KCNJ3: variants seen among roughly 807,000 people sequenced by gnomAD.
KCNJ3 encodes potassium inwardly rectifying channel subfamily J member 3.
Under a neutral mutation model 39.2 loss-of-function variants are expected in KCNJ3, and 4 were observed. The ratio of observed to expected loss-of-function variants is 0.10; its 90% CI spans 0.05 to 0.23. The LOEUF (loss-of-function observed/expected upper bound fraction) is 0.23, where lower values mean the gene tolerates loss of function less well. KCNJ3 is among the 10% of genes least tolerant of loss of function. KCNJ3 has a pLI of 1.00. For missense variants in KCNJ3, 276 were observed against 634.9 expected (o/e 0.43, Z 6.08); for synonymous variants, 230 against 237.4 (o/e 0.97, Z 0.29).
At chr2:154,771,192 A>G (rs1686236931) in intron 2 of KCNJ3, among the ~76,000 whole-genome samples, 1 of 152,008 alleles carries the variant, frequency 6.6e-6, no homozygotes, top group Non-Finnish European at 1.5e-5. Context: ...CACCCTCCCA[A>G]GAAGATAATT....
At chr2:154,809,441 G>T (rs1213824864) in intron 2 of KCNJ3, among the ~76,000 whole-genome samples, 2 of 152,160 alleles carry the variant, frequency 1.3e-5, no homozygotes, top group Non-Finnish European at 2.9e-5. Flanking sequence ...CTAATTAAAT[G>T]AGATAATCAG....
At chr2:154,791,276 G>A (rs1394485492) in intron 2 of KCNJ3, among the ~76,000 whole-genome samples, 7 of 152,134 alleles carry the variant, frequency 4.6e-5, no homozygotes, top group African/African-American at 1.7e-4. Context: ...ATTTGGTCTA[G>A]GAAAGAGGAA....
intron 2 of KCNJ3, 50 bp from the exon 3 acceptor site, chr2:154,854,677 A>G: frequency 7.1e-7 from 1 of 1,404,370 alleles, no homozygotes; most frequent in Non-Finnish European, 9.8e-7. Flanking sequence ...CCGGCTTTAC[A>G]TGTGCTTCCA....
chr2:154,713,449 T>C (rs1685133751), intron 2 of KCNJ3, among the ~76,000 whole-genome samples: 1 of 152,134 alleles, frequency 6.6e-6, no homozygotes, highest in South Asian at 2.1e-4. Flanking sequence ...TCATTTAGTT[T>C]TTGCTCATTC....
intron 2 of KCNJ3, among the ~76,000 whole-genome samples, chr2:154,819,164 G>C (rs951798038): frequency 6.6e-6 from 1 of 151,940 alleles, no homozygotes; most frequent in Non-Finnish European, 1.5e-5. Flanking sequence ...AAGACCATGA[G>C]ATAACTATTG....
chr2:154,713,016 A>C (rs903513423), intron 2 of KCNJ3, among the ~76,000 whole-genome samples: 49 of 151,970 alleles, frequency 3.2e-4, no homozygotes, highest in African/African-American at 1.2e-3. Context: ...AACTAAAAAA[A>C]AGGTGGAGGT....
intron 2 of KCNJ3, among the ~76,000 whole-genome samples, chr2:154,818,468 T>C (rs1219774994): frequency 6.6e-6 from 1 of 152,170 alleles, no homozygotes; most frequent in East Asian, 1.9e-4. Context: ...ATTATTACTT[T>C]GTTTTATTTA....
chr2:154,846,107 C>A (rs187889044), intron 2 of KCNJ3, among the ~76,000 whole-genome samples: 1 of 152,102 alleles, frequency 6.6e-6, no homozygotes, highest in Admixed American at 6.6e-5. Flanking sequence ...GTAGTTACTA[C>A]AAAGTTAAGT....
At chr2:154,852,445 A>G (rs1687772589) in intron 2 of KCNJ3, among the ~76,000 whole-genome samples, 1 of 152,154 alleles carries the variant, frequency 6.6e-6, no homozygotes, top group East Asian at 1.9e-4. Flanking sequence ...ATTATCACTT[A>G]GTAAAAATAT....
chr2:154,706,726 A>G (rs1685017486), intron 1 of KCNJ3, among the ~76,000 whole-genome samples: 2 of 152,122 alleles, frequency 1.3e-5, no homozygotes, highest in Admixed American at 1.3e-4. Flanking sequence ...CCTAAAGTAG[A>G]ATGTATGTGC....
At chr2:154,755,103 A>G (rs567004257) in intron 2 of KCNJ3, among the ~76,000 whole-genome samples, 2 of 152,172 alleles carry the variant, frequency 1.3e-5, no homozygotes, top group South Asian at 4.1e-4. Context: ...CATTACTGTA[A>G]TTGGAAATGT....
In KCNJ3 at chr2:154,826,479, A is replaced by G. The variant is rs376572376; in HGVS notation, c.920-28248A>G. Among the ~76,000 whole-genome samples, 29 of 152,334 alleles carry G rather than the reference A, an allele frequency of 1.9e-4. 2 individuals carry two copies. Among genetic ancestry groups the G allele is most frequent in the African/African-American group, 7.0e-4 (29 of 41,572 alleles). The stretch of plus-strand genomic sequence containing the variant: ...AGTCATTTGCAGTGTTGGTTAATGA[A>G]GTTGTGGTAATTTAACTTAATGTTG... On this transcript the variant is annotated intron_variant, in intron 2 of 2. Transcript: ENST00000295101.
chr2:154,818,069 T>C (rs1250985868), intron 2 of KCNJ3, among the ~76,000 whole-genome samples: 2 of 152,188 alleles, frequency 1.3e-5, no homozygotes, highest in Non-Finnish European at 2.9e-5. Context: ...GCAAAGCTAT[T>C]TGCACCCCCT....
chr2:154,767,583 T>C lies in KCNJ3; in HGVS notation c.919+57764T>C, dbSNP rs557940785. On this transcript the variant is annotated intron_variant, in intron 2 of 2. Transcript: ENST00000295101. ...TGCCACATTTTCTTAATCCAGTCTATCACTGATGGACATTTGGATTGGTTC... is the reference window on the plus strand; with the variant it reads ...TGCCACATTTTCTTAATCCAGTCTACCACTGATGGACATTTGGATTGGTTC... 5.3e-4 allele frequency among the ~76,000 whole-genome samples: 81 copies of C among 152,304 alleles called. 1 individual carries two copies. The East Asian group carries it at 0.014, about 27-fold the overall frequency.
intron 2 of KCNJ3, among the ~76,000 whole-genome samples, chr2:154,836,005 G>A (rs1452691817): frequency 6.6e-6 from 1 of 152,082 alleles, no homozygotes; most frequent in Non-Finnish European, 1.5e-5. Flanking sequence ...GAGGTTAGGA[G>A]TTTGAGACCA....
At chr2:154,833,272 C>A (rs1029079695) in intron 2 of KCNJ3, among the ~76,000 whole-genome samples, 21 of 152,302 alleles carry the variant, frequency 1.4e-4, no homozygotes, top group Admixed American at 5.2e-4. Context: ...TGTGGCTTCA[C>A]CACTTACAAA....
chr2:154,833,134 T>C (rs557740008), intron 2 of KCNJ3, among the ~76,000 whole-genome samples: 3 of 152,344 alleles, frequency 2.0e-5, no homozygotes, highest in East Asian at 3.9e-4. Context: ...TAAATCTTTA[T>C]GTCAATCATT....
At chr2:154,795,293 T>C (rs1174747676) in intron 2 of KCNJ3, among the ~76,000 whole-genome samples, 3 of 152,032 alleles carry the variant, frequency 2.0e-5, no homozygotes, top group Non-Finnish European at 4.4e-5. Context: ...ATAAACAATT[T>C]TGATTGAAAG....
intron 2 of KCNJ3, among the ~76,000 whole-genome samples, chr2:154,793,312 CAG>C (rs1262062192): frequency 6.6e-6 from 1 of 151,858 alleles, no homozygotes; most frequent in East Asian, 1.9e-4. Context: ...TCACTGATGA[CAG>C]TGAATATTTT....
Sources: gnomAD v4.1 joint callset for allele counts (sites outside exome capture counted in the v4.1 genomes callset) on GRCh38, gnomAD v4.1.1 for gene constraint, MANE v1.5 for transcripts, NCBI Gene and HGNC (gene_info 2026-07-23, HGNC 2026-07-21) for gene names.